ATG16L1: variants seen among roughly 807,000 people sequenced by gnomAD.
The protein encoded by ATG16L1 is autophagy-related protein 16-1.
A neutral mutation model predicts 88.5 loss-of-function variants in ATG16L1; 37 were observed. That is an observed-to-expected ratio of 0.42 (90% confidence interval 0.32 to 0.55). The LOEUF (loss-of-function observed/expected upper bound fraction) is 0.55, where lower values mean the gene tolerates loss of function less well. Ranked by LOEUF, ATG16L1 falls within the 20% of genes least tolerant of loss-of-function variation. The pLI is 0.13. For synonymous variants in ATG16L1, 301 were observed against 281.0 expected (o/e 1.07, Z -0.71); for missense variants, 554 against 752.8 (o/e 0.74, Z 3.09).
chr2:233,274,481 G>T, intron 8 of ATG16L1, 195 bp from the exon 9 acceptor site: 1 of 506,198 alleles, frequency 2.0e-6, no homozygotes, highest in Non-Finnish European at 3.6e-6. Context: ...GCATGTGCTG[G>T]CTCTCTTTCT....
intron 12 of ATG16L1, 140 bp from the exon 13 acceptor site, chr2:233,289,714 T>G (rs368633389): frequency 3.5e-6 from 4 of 1,130,548 alleles, no homozygotes; most frequent in Non-Finnish European, 2.5e-6. Context: ...CTTTGCTGTC[T>G]TATCGCTTTG....
chr2:233,274,829 C>T (rs1160736400), intron 9 of ATG16L1, 51 bp downstream of exon 9: 16 of 1,381,632 alleles, frequency 1.2e-5, no homozygotes, highest in Non-Finnish European at 1.4e-5. Flanking sequence ...GGTGACAGAG[C>T]CTGGCAATTA....
At chr2:233,274,050 A>G (rs1330730644) in intron 8 of ATG16L1, 3 of 1,549,482 alleles carry the variant, frequency 1.9e-6, no homozygotes, top group Middle Eastern at 1.7e-4. Flanking sequence ...AGGTGAAACT[A>G]TTATCCTCTC....
intron 2 of ATG16L1, among the ~76,000 whole-genome samples, chr2:233,257,271 C>A (rs374648392): frequency 6.6e-6 from 1 of 152,122 alleles, no homozygotes; most frequent in Non-Finnish European, 1.5e-5. Context: ...CCTCGTGATC[C>A]GCCCGCCTCG....
chr2:233,280,989 G>T, intron 10 of ATG16L1, 116 bp from the exon 11 acceptor site: 1 of 629,040 alleles, frequency 1.6e-6, no homozygotes, highest in Non-Finnish European at 2.8e-6. Context: ...TAAAGGTACA[G>T]GATAGCTATT....
At chr2:233,290,127 C>T in intron 13 of ATG16L1, 121 bp from the exon 14 acceptor site, 1 of 1,507,672 alleles carries the variant, frequency 6.6e-7, no homozygotes, top group Non-Finnish European at 9.1e-7. Flanking sequence ...GATAGTTTTT[C>T]TTGTTTAAAG....
chr2:233,270,955 T>C (rs941185297), intron 6 of ATG16L1, among the ~76,000 whole-genome samples: 1 of 152,208 alleles, frequency 6.6e-6, no homozygotes, highest in Non-Finnish European at 1.5e-5. Context: ...CTAGGAGTCA[T>C]TCACCAACTA....
chr2:233,258,572 C>T (rs1206449965), intron 2 of ATG16L1, among the ~76,000 whole-genome samples: 1 of 152,218 alleles, frequency 6.6e-6, no homozygotes, highest in African/African-American at 2.4e-5. Flanking sequence ...CGTCTAAATT[C>T]ATCCAATTGA....
At chr2:233,279,863 A>G (rs1401420887) in intron 10 of ATG16L1, among the ~76,000 whole-genome samples, 1 of 152,166 alleles carries the variant, frequency 6.6e-6, no homozygotes, top group East Asian at 1.9e-4. Context: ...GTCACTTCCT[A>G]CATTTCGGCA....
In ATG16L1 at chr2:233,264,930, C is replaced by T. The variant is rs774397068; in HGVS notation, c.428C>T (p.Thr143Met). The change falls in exon 5 of 18, where the codon ACG becomes ATG. Residue 143 changes from threonine to methionine, a missense_variant. This residue lies in a region of ATG16L1 where 50 missense variants were observed against 49.4 expected (regional missense o/e 1.01). Transcript: ENST00000392017. Reference sequence around the variant, plus strand: ...TTGCAGACTATCTCTGACCTGGAGACGGAGTGCCTAGACCTGCGCACTAAG... The same window carrying T: ...TTGCAGACTATCTCTGACCTGGAGATGGAGTGCCTAGACCTGCGCACTAAG... ...ECLQTISDLE[T>M]ECLDLRTKLC... 8 of 1,614,050 alleles carry T rather than the reference C, an allele frequency of 5.0e-6. No individual in the cohort carries two copies. The highest frequency in any genetic ancestry group is 6.8e-6 in the Non-Finnish European group (8 of 1,179,926).
intron 10 of ATG16L1, among the ~76,000 whole-genome samples, chr2:233,278,381 A>C (rs1230441000): frequency 1.3e-5 from 2 of 152,236 alleles, no homozygotes; most frequent in African/African-American, 4.8e-5. Flanking sequence ...AATAAGGCTT[A>C]AGGTTTTTAA....
chr2:233,290,890 T>C (rs1055071412), intron 14 of ATG16L1, among the ~76,000 whole-genome samples: 5 of 152,308 alleles, frequency 3.3e-5, no homozygotes, highest in African/African-American at 9.6e-5. Context: ...GATAAGCCAT[T>C]GTCAAATCAC....
intron 5 of ATG16L1, 50 bp downstream of exon 5, chr2:233,265,193 C>T (rs753594675): frequency 1.9e-6 from 3 of 1,581,244 alleles, no homozygotes; most frequent in East Asian, 4.5e-5. Flanking sequence ...TAGAGTAGAA[C>T]CTAGGTCTTT....
At chr2:233,258,553 C>G (rs1393115596) in intron 2 of ATG16L1, among the ~76,000 whole-genome samples, 3 of 152,166 alleles carry the variant, frequency 2.0e-5, no homozygotes, top group Non-Finnish European at 4.4e-5. Flanking sequence ...AATGCTGTTT[C>G]ACCATTTTCG....
intron 6 of ATG16L1, among the ~76,000 whole-genome samples, chr2:233,270,850 A>G (rs1158770719): frequency 6.6e-6 from 1 of 152,174 alleles, no homozygotes; most frequent in East Asian, 1.9e-4. Flanking sequence ...TTTCTTTTCT[A>G]TTGAAATGTG....
At chr2:233,263,876 C>T (rs1359243952) in intron 3 of ATG16L1, 116 bp from the exon 4 acceptor site, 3 of 984,186 alleles carry the variant, frequency 3.0e-6, no homozygotes, top group Non-Finnish European at 4.6e-6. Context: ...GCCTCGGCTC[C>T]TTGCTGTCAC....
intron 9 of ATG16L1, among the ~76,000 whole-genome samples, chr2:233,275,023 A>T (rs575441965): frequency 2.0e-5 from 3 of 152,200 alleles, no homozygotes; most frequent in Non-Finnish European, 4.4e-5. Flanking sequence ...AGCATGAGGG[A>T]TGGGGCAAAG....
chr2:233,277,832 A>G (rs73998330), intron 10 of ATG16L1, among the ~76,000 whole-genome samples, 159 bp downstream of exon 10: 2,832 of 152,320 alleles, frequency 0.019, 92 homozygotes, highest in African/African-American at 0.064. Flanking sequence ...GGATCGTTTG[A>G]CCAAAGCATC....
At chr2:233,290,164 A>G in intron 13 of ATG16L1, 84 bp from the exon 14 acceptor site, 4 of 1,521,518 alleles carry the variant, frequency 2.6e-6, no homozygotes, top group African/African-American at 2.7e-5. Context: ...AACTCTGACA[A>G]GTCAGTGGTT....
Sources: allele counts gnomAD v4.1 joint callset (sites outside exome capture counted in the v4.1 genomes callset), GRCh38; gene constraint gnomAD v4.1.1; regional missense constraint gnomAD v4.1.1; transcripts MANE v1.5; gene names NCBI Gene and HGNC (gene_info 2026-07-23, HGNC 2026-07-21).